RUNX2: variants seen among roughly 807,000 people sequenced by gnomAD.
RUNX2 encodes the protein RUNX family transcription factor 2, also known as runt-related transcription factor 2.
Under a neutral mutation model 51.7 loss-of-function variants are expected in RUNX2, and 10 were observed. That is an observed-to-expected ratio of 0.19 (90% CI 0.12 to 0.33). The LOEUF (loss-of-function observed/expected upper bound fraction) is 0.33. RUNX2 is among the 10% of genes least tolerant of loss of function. RUNX2 has a pLI of 1.00. For missense variants in RUNX2, 562 were observed against 691.3 expected, an observed-to-expected ratio of 0.81 and a Z score of 2.10; for synonymous variants, 276 against 273.6, an observed-to-expected ratio of 1.01 and a Z score of -0.09.
chr6:45,340,003 G>C (rs1396699959), intron 2 of RUNX2, among the ~76,000 whole-genome samples: 1 of 152,100 alleles, frequency 6.6e-6, no homozygotes, highest in Admixed American at 6.6e-5. Context: ...ATGAGGTAAA[G>C]GAACTTGCTC....
At chr6:45,487,105 T>G (rs1800306822) in intron 5 of RUNX2, among the ~76,000 whole-genome samples, 2 of 152,314 alleles carry the variant, frequency 1.3e-5, no homozygotes, top group South Asian at 4.1e-4. Context: ...GCAACAAAAG[T>G]CATATTCAGC....
chr6:45,378,861 T>G (rs887854018), intron 2 of RUNX2, among the ~76,000 whole-genome samples: 10 of 152,220 alleles, frequency 6.6e-5, no homozygotes, highest in Admixed American at 6.5e-4. Context: ...TTATTTATAT[T>G]TAACATTCTT....
At chr6:45,531,966 G>A (rs772187855) in intron 7 of RUNX2, among the ~76,000 whole-genome samples, 2 of 152,054 alleles carry the variant, frequency 1.3e-5, no homozygotes, top group African/African-American at 2.4e-5. Flanking sequence ...ATCTCCCATC[G>A]AATATGGGAG....
chr6:45,476,735 G>A (rs547758178), intron 5 of RUNX2, among the ~76,000 whole-genome samples: 1 of 152,334 alleles, frequency 6.6e-6, no homozygotes, highest in South Asian at 2.1e-4. Flanking sequence ...TTATAGACCA[G>A]TCTAGGGCTC....
intron 2 of RUNX2, among the ~76,000 whole-genome samples, chr6:45,401,306 T>C (rs939085207): frequency 1.3e-5 from 2 of 152,218 alleles, no homozygotes; most frequent in Non-Finnish European, 2.9e-5. Flanking sequence ...AAACAAAGAC[T>C]TCCTTAAGAA....
At chr6:45,529,249 A>C (rs1359265528) in intron 7 of RUNX2, among the ~76,000 whole-genome samples, 1 of 152,160 alleles carries the variant, frequency 6.6e-6, no homozygotes, top group Non-Finnish European at 1.5e-5. Context: ...GTGTACTGAA[A>C]ACTATTACAG....
At chr6:45,406,202 C>G (rs1308860830) in intron 2 of RUNX2, among the ~76,000 whole-genome samples, 1 of 152,144 alleles carries the variant, frequency 6.6e-6, no homozygotes. Flanking sequence ...GTTGTCTCAA[C>G]AGACTCCTCT....
intron 2 of RUNX2, among the ~76,000 whole-genome samples, chr6:45,361,343 T>C (rs1794226848): frequency 6.6e-6 from 1 of 152,124 alleles, no homozygotes; most frequent in Admixed American, 6.5e-5. Context: ...CGTGGTGACA[T>C]TATAATTACT....
intron 8 of RUNX2, among the ~76,000 whole-genome samples, chr6:45,545,822 C>A (rs569216849): frequency 1.3e-5 from 2 of 152,320 alleles, no homozygotes; most frequent in South Asian, 4.1e-4. Flanking sequence ...AAACAAATTT[C>A]CACATGAAAT....
chr6:45,345,263 T>C (rs1228162000), intron 2 of RUNX2, among the ~76,000 whole-genome samples: 1 of 152,216 alleles, frequency 6.6e-6, no homozygotes, highest in Non-Finnish European at 1.5e-5. Flanking sequence ...TAAAATGTCA[T>C]GCTCAAATGA....
chr6:45,362,407 G>T (rs1197529430), intron 2 of RUNX2, among the ~76,000 whole-genome samples: 2 of 152,102 alleles, frequency 1.3e-5, no homozygotes, highest in African/African-American at 4.8e-5. Flanking sequence ...GCAGCAGTAG[G>T]GAGTCACAGA....
At chr6:45,544,439 T>C (rs1802327564) in intron 7 of RUNX2, among the ~76,000 whole-genome samples, 1 of 149,866 alleles carries the variant, frequency 6.7e-6, no homozygotes, top group Non-Finnish European at 1.5e-5. Context: ...ACATAAAGAG[T>C]TTTAATGAGG....
At chr6:45,518,925 C>G (rs1356739770) in intron 7 of RUNX2, among the ~76,000 whole-genome samples, 1 of 152,174 alleles carries the variant, frequency 6.6e-6, no homozygotes, top group Admixed American at 6.5e-5. Context: ...CGCAGTTTAA[C>G]TTAGGACACC....
chr6:45,457,368 A>G (rs1245383647), intron 5 of RUNX2, among the ~76,000 whole-genome samples: 1 of 152,134 alleles, frequency 6.6e-6, no homozygotes, highest in East Asian at 1.9e-4. Context: ...CAGGTAAGGT[A>G]GTTCTTTTTT....
chr6:45,418,791 TTA>T (rs756050232), intron 2 of RUNX2, among the ~76,000 whole-genome samples: 3 of 152,152 alleles, frequency 2.0e-5, no homozygotes, highest in Admixed American at 6.5e-5. Flanking sequence ...TGAAACGTTG[TTA>T]GGGTATTCAG....
chr6:45,350,248 T>G (rs915011614), intron 2 of RUNX2, among the ~76,000 whole-genome samples: 2 of 152,198 alleles, frequency 1.3e-5, no homozygotes, highest in African/African-American at 4.8e-5. Context: ...TAGTACACAG[T>G]AGGCACCCAC....
At chr6:45,511,706 A>C (rs1801156883) in intron 6 of RUNX2, among the ~76,000 whole-genome samples, 1 of 152,182 alleles carries the variant, frequency 6.6e-6, no homozygotes, top group Non-Finnish European at 1.5e-5. Flanking sequence ...CCTGAAAAGA[A>C]AGTGCCCTGA....
At chr6:45,390,499 TAAA>T (rs1563064891) in intron 2 of RUNX2, among the ~76,000 whole-genome samples, 1 of 152,226 alleles carries the variant, frequency 6.6e-6, no homozygotes, top group East Asian at 1.9e-4. Flanking sequence ...ATTGGGAACT[TAAA>T]GAAGATGAGA....
intron 2 of RUNX2, among the ~76,000 whole-genome samples, chr6:45,414,475 G>T (rs1274446304): frequency 6.6e-6 from 1 of 152,078 alleles, no homozygotes; most frequent in East Asian, 1.9e-4. Flanking sequence ...GTTTGTAAAT[G>T]CTGTATTTAC....
Sources: gnomAD v4.1 joint callset for allele counts (sites outside exome capture counted in the v4.1 genomes callset) on GRCh38, gnomAD v4.1.1 for gene constraint, MANE v1.5 for transcripts, NCBI Gene and HGNC (gene_info 2026-07-23, HGNC 2026-07-21) for gene names.